The following DGKI variants were observed in gnomAD, a reference collection of about 807,000 sequenced individuals.
The protein encoded by DGKI is diacylglycerol kinase iota, also known as DAG kinase iota.
DGKI carries 55 observed loss-of-function variants against 147.5 expected under a neutral mutation model. The ratio of observed to expected loss-of-function variants is 0.37; its 90% confidence interval spans 0.30 to 0.47. DGKI has a LOEUF of 0.47. DGKI is among the 20% of genes least tolerant of loss of function. The pLI is 1.00. For synonymous variants in DGKI, 469 were observed against 477.1 expected (o/e 0.98, Z 0.22); for missense variants, 1,007 against 1,323.8 (o/e 0.76, Z 3.71).
intron 1 of DGKI, chr7:137,843,346 T>C (rs1275740884): frequency 2.3e-6 from 2 of 858,184 alleles, no homozygotes; most frequent in East Asian, 2.4e-4. Flanking sequence ...AGCACCATAA[T>C]TTGCAAAGAA....
chr7:137,618,335 C>T (rs1195941324), intron 8 of DGKI, among the ~76,000 whole-genome samples: 1 of 150,064 alleles, frequency 6.7e-6, no homozygotes, highest in Non-Finnish European at 1.5e-5. Flanking sequence ...ACTCACAGTT[C>T]CACGGATATA....
In DGKI at chr7:137,465,889, C is replaced by G. The variant is rs776614239; in HGVS notation, c.2612+19G>C. 6.2e-6 allele frequency: 10 copies of G among 1,611,920 alleles called. 1 individual carries two copies. The South Asian group carries it at 1.1e-4, about 18-fold the overall frequency. On this transcript the variant is annotated intron_variant, in intron 26 of 32. Transcript: ENST00000614521. ...GTCACCCTAAGGCCAGCCTCACAGG[C>G]CAGGAGAAGCACACTCACCCCGAGG...
At chr7:137,797,677 T>C (rs1197822635) in intron 1 of DGKI, among the ~76,000 whole-genome samples, 1 of 151,596 alleles carries the variant, frequency 6.6e-6, no homozygotes, top group African/African-American at 2.4e-5. Context: ...CAAAAATAGG[T>C]GGAAGAGATA....
intron 1 of DGKI, among the ~76,000 whole-genome samples, chr7:137,828,269 T>A (rs1281617943): frequency 2.0e-5 from 3 of 152,280 alleles, no homozygotes; most frequent in Non-Finnish European, 4.4e-5. Flanking sequence ...AATCATTTAT[T>A]ATTCAATTTT....
At chr7:137,449,211 G>A (rs1813850184) in intron 27 of DGKI, among the ~76,000 whole-genome samples, 1 of 152,156 alleles carries the variant, frequency 6.6e-6, no homozygotes, top group Non-Finnish European at 1.5e-5. Context: ...CAAAGCTGGA[G>A]CCATCACACT....
chr7:137,428,496 C>A (rs978821017), intron 28 of DGKI, among the ~76,000 whole-genome samples: 1 of 152,206 alleles, frequency 6.6e-6, no homozygotes, highest in East Asian at 1.9e-4. Context: ...TGGCACAAGA[C>A]AGGGATGCCC....
Position 137,659,890 on chromosome 7 carries a change from G to A in DGKI, c.607-3350C>T, listed in dbSNP as rs956478766. ...AGAGCTTGCAGTGAGCCGAGATCGCGCCACTGCACTCCAGCCTGGGCGACA... is the reference window on the plus strand; with the variant it reads ...AGAGCTTGCAGTGAGCCGAGATCGCACCACTGCACTCCAGCCTGGGCGACA... On this transcript the variant is annotated intron_variant, in intron 3 of 32. Transcript: ENST00000614521. 3.0e-4 allele frequency among the ~76,000 whole-genome samples: 46 copies of A among 152,234 alleles called. 1 individual carries two copies. Among genetic ancestry groups the A allele is most frequent in the East Asian group, 2.7e-3 (14 of 5,176 alleles).
chr7:137,685,528 C>G (rs1287464025), intron 2 of DGKI, among the ~76,000 whole-genome samples: 3 of 152,192 alleles, frequency 2.0e-5, no homozygotes, highest in African/African-American at 7.2e-5. Flanking sequence ...TACACATTAT[C>G]TGTGGAACAG....
chr7:137,684,948 C>A (rs1823367179), intron 2 of DGKI, among the ~76,000 whole-genome samples: 1 of 152,138 alleles, frequency 6.6e-6, no homozygotes, highest in South Asian at 2.1e-4. Context: ...CACAAACACG[C>A]ATGCACACAC....
intron 1 of DGKI, among the ~76,000 whole-genome samples, chr7:137,804,029 G>A (rs1563205049): frequency 6.6e-6 from 1 of 152,200 alleles, no homozygotes; most frequent in Non-Finnish European, 1.5e-5. Context: ...GAGAGTAAGT[G>A]ACAACCAGCA....
intron 19 of DGKI, among the ~76,000 whole-genome samples, chr7:137,563,508 T>C (rs1418834848): frequency 1.3e-5 from 2 of 151,878 alleles, no homozygotes; most frequent in Non-Finnish European, 2.9e-5. Context: ...TCAAACAATA[T>C]AATTGTGGTT....
intron 21 of DGKI, among the ~76,000 whole-genome samples, chr7:137,517,337 A>ATGAAAGAG (rs1816808673): frequency 8.6e-6 from 1 of 116,702 alleles, no homozygotes; most frequent in Non-Finnish European, 1.8e-5. Flanking sequence ...GAAAGAAAGA[A>ATGAAAGAG]AGAGAAAGAA....
At chr7:137,732,105 T>C (rs1794902254) in intron 1 of DGKI, among the ~76,000 whole-genome samples, 1 of 152,132 alleles carries the variant, frequency 6.6e-6, no homozygotes, top group Admixed American at 6.5e-5. Context: ...GCAATAGCTA[T>C]GCTAATACCA....
At chr7:137,561,957 G>A in intron 19 of DGKI, among the ~76,000 whole-genome samples, 1 of 152,184 alleles carries the variant, frequency 6.6e-6, no homozygotes, top group East Asian at 1.9e-4. Flanking sequence ...ATAAAATAAA[G>A]ACATTTTCAG....
At chr7:137,491,684 G>C (rs1380592087) in intron 21 of DGKI, among the ~76,000 whole-genome samples, 1 of 152,158 alleles carries the variant, frequency 6.6e-6, no homozygotes, top group African/African-American at 2.4e-5. Flanking sequence ...TCCATAGTTA[G>C]ACCTCCTTCT....
chr7:137,748,000 C>T (rs1795392647), intron 1 of DGKI, among the ~76,000 whole-genome samples: 1 of 152,172 alleles, frequency 6.6e-6, no homozygotes, highest in Admixed American at 6.5e-5. Flanking sequence ...TGACACTTGT[C>T]CAAGGTCACT....
intron 27 of DGKI, among the ~76,000 whole-genome samples, chr7:137,456,291 C>A (rs1278868867): frequency 6.6e-6 from 1 of 152,114 alleles, no homozygotes; most frequent in Non-Finnish European, 1.5e-5. Context: ...AACCCACAGC[C>A]TAACAAAAAT....
At chr7:137,519,917 T>C (rs529999013) in intron 21 of DGKI, among the ~76,000 whole-genome samples, 2 of 152,190 alleles carry the variant, frequency 1.3e-5, no homozygotes, top group Admixed American at 1.3e-4. Flanking sequence ...GAATAACTCC[T>C]TTATCCCCTT....
At position 137,397,126 on chromosome 7, in the gene DGKI, T is replaced by C. The variant is rs373889153; in HGVS notation, c.2957+251A>G. On this transcript the variant is annotated intron_variant, in intron 31 of 32. Transcript: ENST00000614521. ...CAAGATGCACCAGTGCAGAAGTACA[T>C]TGTTTGAAGCAAGCTCTAAATGATG... 1.2e-4 allele frequency among the ~76,000 whole-genome samples: 19 copies of C among 152,362 alleles called. No homozygotes were observed. In the South Asian group the frequency reaches 3.9e-3, roughly 32 times the overall value.
Sources: allele counts gnomAD v4.1 joint callset (sites outside exome capture counted in the v4.1 genomes callset), GRCh38; gene constraint gnomAD v4.1.1; transcripts MANE v1.5; gene names NCBI Gene and HGNC (gene_info 2026-07-23, HGNC 2026-07-21).